The following DROSHA variants were observed in gnomAD, a reference collection of about 807,000 sequenced individuals.
DROSHA encodes drosha ribonuclease III.
Under a neutral mutation model 181.9 loss-of-function variants are expected in DROSHA, and 56 were observed. The observed-to-expected ratio is 0.31, with a 90% CI of 0.25 to 0.38. DROSHA has a LOEUF of 0.38. Among genes scored for constraint, DROSHA ranks in the 10% least tolerant of loss-of-function variants. The pLI is 1.00. For synonymous variants in DROSHA, 524 were observed against 591.2 expected, an observed-to-expected ratio of 0.89 and a Z score of 1.65; for missense variants, 1,218 against 1,743.5, an observed-to-expected ratio of 0.70 and a Z score of 5.37.
At chr5:31,435,015 G>A (rs1314121855) in intron 25 of DROSHA, among the ~76,000 whole-genome samples, 2 of 152,196 alleles carry the variant, frequency 1.3e-5, no homozygotes. Context: ...ACCAGGCTGT[G>A]TGCCAAGGGC....
intron 24 of DROSHA, 89 bp downstream of exon 24, chr5:31,437,150 G>T: frequency 1.5e-6 from 2 of 1,348,232 alleles, no homozygotes; most frequent in Non-Finnish European, 2.1e-6. Flanking sequence ...TGCCTTATTT[G>T]GCTAATTACA....
chr5:31,481,099 T>G (rs903276331), intron 16 of DROSHA, among the ~76,000 whole-genome samples: 10 of 122,226 alleles, frequency 8.2e-5, no homozygotes, highest in Non-Finnish European at 5.1e-5. Flanking sequence ...TATCAAAATG[T>G]TTTTTTTTAA....
intron 27 of DROSHA, among the ~76,000 whole-genome samples, chr5:31,425,721 TGATAACTTTTCACCTTTCTCCTTAAAC>T (rs1372452827): frequency 3.3e-5 from 5 of 152,182 alleles, no homozygotes; most frequent in Admixed American, 2.0e-4. Flanking sequence ...CATGATCAAA[TGATAACTTTTCACCTTTCTCCTTAAAC>T]TAGAGCATCT....
chr5:31,428,869 T>A (rs1007646064), intron 27 of DROSHA, among the ~76,000 whole-genome samples: 2 of 152,206 alleles, frequency 1.3e-5, no homozygotes, highest in African/African-American at 4.8e-5. Context: ...CTCTATTACA[T>A]GCAGGATTAA....
Position 31,521,086 on chromosome 5 carries a change from A to G in DROSHA, c.947+37T>C, listed in dbSNP as rs1479455344. ...CACAAAATCTGAATTCAAGGAGATAATCCTATGACTTCTTTCAGTGTCAAC... is the reference window on the plus strand; with the variant it reads ...CACAAAATCTGAATTCAAGGAGATAGTCCTATGACTTCTTTCAGTGTCAAC... On this transcript the variant is annotated intron_variant, in intron 6 of 35. Coordinates refer to ENST00000344624, the MANE Select transcript of DROSHA (RefSeq NM_001382508.1). 1.9e-6 allele frequency: 3 copies of G among 1,605,322 alleles called. No individual in the cohort carries two copies. The African/African-American group carries it at 4.0e-5, about 21-fold the overall frequency.
Position 31,437,228 on chromosome 5 carries a change from A to G in DROSHA, c.2942+11T>C. 3 of 1,564,546 alleles carry G rather than the reference A, an allele frequency of 1.9e-6. No homozygotes were observed. The highest frequency in any genetic ancestry group is 2.6e-6 in the Non-Finnish European group (3 of 1,153,654). ...ATTGAGGAATTGTAAAAAACAAAAA[A>G]GCCTAATTACCTGGTCAGAAATTCA... On this transcript the variant is annotated intron_variant, in intron 24 of 35. Transcript: ENST00000344624.
Position 31,493,227 on chromosome 5 carries a change from C to T in DROSHA, c.1822G>A (p.Ala608Thr). The stretch of plus-strand genomic sequence containing the variant: ...CTTACATTGGTCAGGGGGGCATGTG[C>T]AAACATAGAAAATCCTTCAAAGATA... ...EYIFEGFSMF[A>T]HAPLTNIPLC... The change falls in exon 13 of 36, where the codon GCA (alanine) becomes ACA (threonine). Residue 608 changes from alanine to threonine, a missense_variant. By Grantham distance (58) the Ala-to-Thr change is moderately conservative. Transcript: ENST00000344624. 1.2e-6 allele frequency: 2 copies of T among 1,606,796 alleles called. No homozygotes were observed. The highest frequency in any genetic ancestry group is 1.7e-6 in the Non-Finnish European group (2 of 1,177,000).
chr5:31,515,457 T>A lies in DROSHA; in HGVS notation c.1055A>T (p.Asn352Ile). ...GCCCCACCCCAGATCTACTTACTGATTCACAATCTCCAGGGGTGGGGCCCA... is the reference window on the plus strand; with the variant it reads ...GCCCCACCCCAGATCTACTTACTGAATCACAATCTCCAGGGGTGGGGCCCA... ...DSWAPPLEIVNHRSPSREKKR... is the reference protein window; with the variant it reads ...DSWAPPLEIVIHRSPSREKKR... Residue 352 changes from asparagine (N) to isoleucine (I), a missense_variant, in exon 7 of 36, where the codon AAT (asparagine) becomes ATT (isoleucine). Physicochemically the swap from Asn to Ile is moderately radical, Grantham distance 149 (BLOSUM62 -3). This residue lies in a region of DROSHA where 536 missense variants were observed against 535.4 expected (regional missense o/e 1.00). Coordinates refer to ENST00000344624, the MANE Select transcript of DROSHA (RefSeq NM_001382508.1). The A allele has an allele frequency of 1.5e-6, 2 of 1,314,230 alleles. No individual in the cohort carries two copies. Among genetic ancestry groups the A allele is most frequent in the Non-Finnish European group, 2.2e-6 (2 of 929,934 alleles). The allele number at this position is 1,314,230 out of a possible 1,614,324, so 81.4% of individuals were successfully genotyped here. A position where few individuals can be genotyped will look rare whatever the true frequency, so the allele number is the denominator to read the frequency against.
chr5:31,445,027 GC>G (rs1172986536), intron 23 of DROSHA, among the ~76,000 whole-genome samples: 3 of 152,248 alleles, frequency 2.0e-5, no homozygotes. Flanking sequence ...CCAGTGGGCA[GC>G]TGAAGTAATT....
At chr5:31,421,012 G>A (rs142860836) in intron 30 of DROSHA, among the ~76,000 whole-genome samples, 1 of 152,256 alleles carries the variant, frequency 6.6e-6, no homozygotes, top group East Asian at 1.9e-4. Flanking sequence ...CAGACTTGGT[G>A]TCAACTTATC....
chr5:31,509,024 T>C (rs1738351923), intron 9 of DROSHA, among the ~76,000 whole-genome samples: 1 of 152,084 alleles, frequency 6.6e-6, no homozygotes, highest in African/African-American at 2.4e-5. Context: ...GATTTTGCCA[T>C]GTTGACCAGG....
At chr5:31,422,142 TA>T (rs796179572) in intron 29 of DROSHA, among the ~76,000 whole-genome samples, 6 of 151,172 alleles carry the variant, frequency 4.0e-5, no homozygotes, top group African/African-American at 1.5e-4. Flanking sequence ...CATACTCCAT[TA>T]TTCAAAGCTG....
chr5:31,503,085 A>C (rs560715787), intron 11 of DROSHA, among the ~76,000 whole-genome samples: 4 of 152,278 alleles, frequency 2.6e-5, no homozygotes, highest in African/African-American at 9.6e-5. Flanking sequence ...TCCATCAGAC[A>C]GCAGCCACCA....
In DROSHA at chr5:31,435,891, A is replaced by G. The variant is rs534417505; in HGVS notation, c.2943-27T>C. ...TACAAAAAAAAAAAGAAGTACATGA[A>G]TAAATATGCATCACGACATTCTGTC... On this transcript the variant is annotated intron_variant, in intron 24 of 35. Transcript: ENST00000344624. 3 of 1,596,670 alleles carry G rather than the reference A, an allele frequency of 1.9e-6. No individual in the cohort carries two copies. The Admixed American group carries it at 5.1e-5, about 27-fold the overall frequency.
chr5:31,469,497 A>G (rs1209608229), intron 17 of DROSHA, among the ~76,000 whole-genome samples: 1 of 152,256 alleles, frequency 6.6e-6, no homozygotes, highest in East Asian at 1.9e-4. Context: ...CATGTAATCC[A>G]TTATAAAATT....
At chr5:31,485,097 T>A (rs910616848) in intron 14 of DROSHA, 135 bp from the exon 15 acceptor site, 1 of 584,054 alleles carries the variant, frequency 1.7e-6, no homozygotes, top group African/African-American at 1.9e-5. Context: ...TCCTGAAGAG[T>A]TTGGCCACTG....
intron 11 of DROSHA, 115 bp downstream of exon 11, chr5:31,504,440 G>T (rs766608130): frequency 1.2e-4 from 143 of 1,158,806 alleles, no homozygotes; most frequent in Non-Finnish European, 1.7e-4. Context: ...GACTATTAGG[G>T]AATATGAAGA....
chr5:31,407,996 A>T (rs1740858739), intron 33 of DROSHA, among the ~76,000 whole-genome samples: 1 of 152,180 alleles, frequency 6.6e-6, no homozygotes, highest in Non-Finnish European at 1.5e-5. Context: ...AATAAAGGAA[A>T]TATGGTTTAG....
intron 6 of DROSHA, among the ~76,000 whole-genome samples, chr5:31,519,512 G>GT (rs1739638322): frequency 6.6e-6 from 1 of 152,024 alleles, no homozygotes. Context: ...CAATACCCGG[G>GT]ACACACAAAA....
Sources: gnomAD v4.1 joint callset for allele counts (sites outside exome capture counted in the v4.1 genomes callset) on GRCh38, gnomAD v4.1.1 for gene constraint, gnomAD v4.1.1 regional missense constraint, MANE v1.5 for transcripts, NCBI Gene and HGNC (gene_info 2026-07-23, HGNC 2026-07-21) for gene names.